Variants in ADGRA1 observed in about 807,000 individuals in gnomAD.
ADGRA1 encodes the protein G-protein coupled receptor 123.
ADGRA1 carries 12 observed loss-of-function variants against 21.3 expected under a neutral mutation model. The observed-to-expected ratio is 0.56, with a 90% CI of 0.36 to 0.91. The LOEUF is 0.91. Among genes scored for constraint, ADGRA1 ranks in the 40% least tolerant of loss-of-function variants. The probability of loss-of-function intolerance (pLI) is 0.01; values close to 1 mark genes in which losing one functional copy is unlikely to be tolerated. For synonymous variants in ADGRA1, 385 were observed against 368.8 expected (o/e 1.04, Z -0.50); for missense variants, 790 against 805.6 (o/e 0.98, Z 0.23).
At chr10:133,099,171 G>A (rs1044227249) in intron 4 of ADGRA1, among the ~76,000 whole-genome samples, 3 of 147,226 alleles carry the variant, frequency 2.0e-5, no homozygotes, top group Admixed American at 6.7e-5. Flanking sequence ...AGTGCTGGGG[G>A]GACACAGCCC....
intron 5 of ADGRA1, among the ~76,000 whole-genome samples, chr10:133,112,318 G>T (rs921224329): frequency 1.3e-5 from 2 of 151,090 alleles, no homozygotes; most frequent in Non-Finnish European, 3.0e-5. Context: ...TCTGCGGGCC[G>T]CATCGGTTAT....
chr10:133,128,239 C>T (rs946397745), intron 6 of ADGRA1, 90 bp from the exon 7 acceptor site: 21 of 977,420 alleles, frequency 2.1e-5, no homozygotes, highest in Non-Finnish European at 2.7e-5. Flanking sequence ...CTCGCTAGGC[C>T]GGGTGGGTGC....
At chr10:133,118,348 T>C (rs1206365507) in intron 5 of ADGRA1, among the ~76,000 whole-genome samples, 1 of 152,190 alleles carries the variant, frequency 6.6e-6, no homozygotes, top group African/African-American at 2.4e-5. Flanking sequence ...TAAATACAAC[T>C]TTTATGTGCT....
intron 5 of ADGRA1, among the ~76,000 whole-genome samples, chr10:133,108,206 T>C (rs1054231627): frequency 6.6e-6 from 1 of 152,212 alleles, no homozygotes; most frequent in Non-Finnish European, 1.5e-5. Flanking sequence ...AGTGCAGGCA[T>C]GGTTGTAGGT....
chr10:133,115,886 T>C (rs1355443599), intron 5 of ADGRA1, among the ~76,000 whole-genome samples: 1 of 152,028 alleles, frequency 6.6e-6, no homozygotes, highest in East Asian at 1.9e-4. Flanking sequence ...CTCCCTGCCT[T>C]CCAGAGACCC....
chr10:133,113,342 C>G (rs945016205), intron 5 of ADGRA1, among the ~76,000 whole-genome samples: 43 of 152,322 alleles, frequency 2.8e-4, no homozygotes, highest in Admixed American at 1.8e-3. Flanking sequence ...CCCGGCTTGC[C>G]GAGGATGCCT....
intron 5 of ADGRA1, among the ~76,000 whole-genome samples, chr10:133,116,498 C>A (rs1449040291): frequency 6.8e-6 from 1 of 146,602 alleles, no homozygotes; most frequent in Non-Finnish European, 1.5e-5. Context: ...TGGGGGGCGT[C>A]CCTGGGCCCT....
intron 5 of ADGRA1, among the ~76,000 whole-genome samples, chr10:133,117,153 C>T (rs1489404641): frequency 6.6e-6 from 1 of 152,108 alleles, no homozygotes; most frequent in Non-Finnish European, 1.5e-5. Flanking sequence ...GGGGTCAGTG[C>T]CCGGCAGGAG....
chr10:133,090,235 C>T (rs1312584313), intron 2 of ADGRA1, among the ~76,000 whole-genome samples: 2 of 152,226 alleles, frequency 1.3e-5, no homozygotes, highest in African/African-American at 4.8e-5. Context: ...CCAAGAAGGG[C>T]ACCACCCCTC....
chr10:133,107,393 TTTC>T (rs1465395804), intron 5 of ADGRA1, among the ~76,000 whole-genome samples: 104 of 152,338 alleles, frequency 6.8e-4, no homozygotes, highest in Admixed American at 5.0e-3. Context: ...CTCTCTTTTT[TTTC>T]TTTGTCGGTC....
intron 4 of ADGRA1, among the ~76,000 whole-genome samples, chr10:133,101,445 G>A (rs536344221): frequency 2.8e-4 from 43 of 152,352 alleles, no homozygotes; most frequent in Non-Finnish European, 5.3e-4. Context: ...TGGGACGCTG[G>A]TGGCTTCCCT....
intron 2 of ADGRA1, among the ~76,000 whole-genome samples, chr10:133,092,139 T>C (rs1211740624): frequency 6.6e-6 from 1 of 152,134 alleles, no homozygotes; most frequent in Non-Finnish European, 1.5e-5. Flanking sequence ...ATTCAGGAGG[T>C]GGGAGGGGCC....
intron 2 of ADGRA1, among the ~76,000 whole-genome samples, chr10:133,091,373 T>C (rs1851593437): frequency 6.6e-6 from 1 of 151,650 alleles, no homozygotes; most frequent in Non-Finnish European, 1.5e-5. Flanking sequence ...GCTGGTGCAG[T>C]GTGGTTGCTG....
At chr10:133,088,433 C>T (rs982870925) in intron 1 of ADGRA1, 1 of 155,230 alleles carries the variant, frequency 6.4e-6, no homozygotes, top group Non-Finnish European at 1.4e-5. Flanking sequence ...TTGTGCAGCC[C>T]GAGATGGTTG....
intron 2 of ADGRA1, among the ~76,000 whole-genome samples, chr10:133,089,905 G>C (rs895440691): frequency 1.9e-4 from 29 of 152,174 alleles, no homozygotes; most frequent in Admixed American, 8.5e-4. Flanking sequence ...AGCACCTCAG[G>C]GGGCAGCAGG....
At chr10:133,119,440 T>A (rs1464524651) in intron 5 of ADGRA1, among the ~76,000 whole-genome samples, 1 of 152,246 alleles carries the variant, frequency 6.6e-6, no homozygotes, top group Non-Finnish European at 1.5e-5. Context: ...GATAGACTTT[T>A]CTTTTCACAA....
intron 5 of ADGRA1, among the ~76,000 whole-genome samples, chr10:133,123,580 C>T (rs1279367108): frequency 6.6e-6 from 1 of 152,200 alleles, no homozygotes; most frequent in African/African-American, 2.4e-5. Context: ...ACCGCCTTCC[C>T]GTGGCTGCTG....
chr10:133,091,965 G>A (rs573059565), intron 2 of ADGRA1, among the ~76,000 whole-genome samples: 14 of 152,340 alleles, frequency 9.2e-5, no homozygotes, highest in African/African-American at 2.2e-4. Flanking sequence ...CCCCGAGGCC[G>A]GACCCATGTG....
chr10:133,118,689 C>G (rs1025283218), intron 5 of ADGRA1, among the ~76,000 whole-genome samples: 28 of 152,334 alleles, frequency 1.8e-4, no homozygotes, highest in African/African-American at 6.5e-4. Flanking sequence ...CACCTCCCAC[C>G]AGGTCCTGCC....
Sources: gnomAD v4.1 joint callset for allele counts (sites outside exome capture counted in the v4.1 genomes callset) on GRCh38, gnomAD v4.1.1 for gene constraint, MANE v1.5 for transcripts, NCBI Gene and HGNC (gene_info 2026-07-23, HGNC 2026-07-21) for gene names.